DPP6: variants seen among roughly 807,000 people sequenced by gnomAD.
The protein encoded by DPP6 is dipeptidyl peptidase like 6, also known as A-type potassium channel modulatory protein DPP6.
In DPP6, 69 loss-of-function variants were observed where a neutral mutation model predicts 122.6. The observed-to-expected ratio is 0.56, with a 90% CI of 0.46 to 0.69. DPP6 has a LOEUF of 0.69. Ranked by LOEUF, DPP6 falls within the 30% of genes least tolerant of loss-of-function variation. The pLI is 0.00. For missense variants in DPP6, 928 were observed against 1,116.9 expected (o/e 0.83, Z 2.41); for synonymous variants, 418 against 433.1 (o/e 0.97, Z 0.43).
intron 10 of DPP6, among the ~76,000 whole-genome samples, chr7:154,790,203 C>T (rs1797586502): frequency 6.6e-6 from 1 of 152,146 alleles, no homozygotes; most frequent in Admixed American, 6.5e-5. Context: ...GTCTAAAAAA[C>T]ATAAAAAATC....
chr7:154,090,242 G>A (rs977916769), intron 1 of DPP6, among the ~76,000 whole-genome samples: 2 of 152,088 alleles, frequency 1.3e-5, no homozygotes. Flanking sequence ...TGCTGGTGGG[G>A]AGGGGGTTTC....
At position 154,875,859 on chromosome 7, in the gene DPP6, C is replaced by T; in HGVS notation, c.1884-47C>T. On this transcript the variant is annotated intron_variant, in intron 19 of 25. Coordinates refer to ENST00000377770, the MANE Select transcript of DPP6 (RefSeq NM_130797.4). The surrounding 1 kb of genome is among the most constrained non-coding windows in gnomAD (Gnocchi z 4.5). ...GACGTGGCAGCTGCTAGACCAGCCG[C>T]CACCCACCACGCAGCAGGCCTGCTG... The T allele has an allele frequency of 1.3e-6, 2 of 1,569,574 alleles. No individual in the cohort carries two copies. Among genetic ancestry groups the T allele is most frequent in the Non-Finnish European group, 1.7e-6 (2 of 1,159,050 alleles).
At chr7:154,248,047 G>A (rs1802103527) in intron 1 of DPP6, among the ~76,000 whole-genome samples, 2 of 152,126 alleles carry the variant, frequency 1.3e-5, no homozygotes, top group Non-Finnish European at 2.9e-5. Flanking sequence ...TCTGATGAGG[G>A]CCCTCTACCA....
chr7:154,171,239 T>C (rs747139661), intron 1 of DPP6, among the ~76,000 whole-genome samples: 6 of 152,206 alleles, frequency 3.9e-5, no homozygotes, highest in Non-Finnish European at 7.3e-5. Flanking sequence ...TCCAGTGTGC[T>C]CCAAGGCCAC....
intron 7 of DPP6, among the ~76,000 whole-genome samples, chr7:154,684,731 T>G (rs3807229): frequency 0.46 from 70,105 of 152,046 alleles, 17,538 homozygotes; most frequent in Non-Finnish European, 0.55. Context: ...CACGTACATG[T>G]ATCTATTTAA....
intron 1 of DPP6, among the ~76,000 whole-genome samples, chr7:154,324,870 T>TA (rs1369228264): frequency 6.9e-5 from 10 of 144,138 alleles, no homozygotes; most frequent in African/African-American, 7.6e-5. Flanking sequence ...TTTTGTTATT[T>TA]TTTTTTTTTT....
chr7:154,051,984 C>T (rs1283697910), upstream of DPP6, among the ~76,000 whole-genome samples: 1 of 151,726 alleles, frequency 6.6e-6, no homozygotes, highest in Admixed American at 6.5e-5. Flanking sequence ...GCTGGGGGCG[C>T]GGGGAGCCCG....
chr7:153,791,420 C>CTTTATTTTTTTTTTT, the DPP6 span, among the ~76,000 whole-genome samples: 1 of 24,240 alleles, frequency 4.1e-5, no homozygotes, highest in South Asian at 1.2e-3. Flanking sequence ...TCCTTCCTTC[C>CTTTATTTTTTTTTTT]TTTCTTTTTT....
At chr7:153,798,993 G>A in the DPP6 span, among the ~76,000 whole-genome samples, 1 of 152,270 alleles carries the variant, frequency 6.6e-6, no homozygotes, top group African/African-American at 2.4e-5. Flanking sequence ...GCAGTAATGT[G>A]AGCAATGGGG....
At chr7:154,346,213 G>A (rs1423790671) in intron 1 of DPP6, among the ~76,000 whole-genome samples, 1 of 152,176 alleles carries the variant, frequency 6.6e-6, no homozygotes, top group East Asian at 1.9e-4. Context: ...ATAAAGGAAA[G>A]ACCATTTGGG....
intron 7 of DPP6, among the ~76,000 whole-genome samples, chr7:154,713,384 G>A (rs34165040): frequency 0.025 from 3,873 of 152,314 alleles, 62 homozygotes; most frequent in Non-Finnish European, 0.04. Context: ...CTCTGTGTGG[G>A]GGCTCTGACC....
At chr7:154,450,556 C>CA (rs11411487) in intron 2 of DPP6, among the ~76,000 whole-genome samples, 45,447 of 151,964 alleles carry the variant, frequency 0.3, 7,895 homozygotes, top group African/African-American at 0.47. Flanking sequence ...AAAGAGGCTT[C>CA]AGGAGCAGTT....
At chr7:154,889,773 T>G in intron 25 of DPP6, 1 of 592,542 alleles carries the variant, frequency 1.7e-6, no homozygotes, top group East Asian at 3.4e-5. Flanking sequence ...CATCTCCCCG[T>G]ACTCCCACCC....
rs549552146 is a variant in DPP6 at position 154,259,389 on chromosome 7, T to C, written c.244-186825T>C. Among the ~76,000 whole-genome samples the C allele has an allele frequency of 1.2e-4, 18 of 152,326 alleles. No individual in the cohort carries two copies. The South Asian group carries it at 3.7e-3, about 32-fold the overall frequency. On this transcript the variant is annotated intron_variant, in intron 1 of 25. Coordinates refer to ENST00000377770, the MANE Select transcript of DPP6 (RefSeq NM_130797.4). ...TATGGACAAATAGGAAATACTGGAT[T>C]CGTAAGTGCCAAACTAATATGCAGG...
the DPP6 span, among the ~76,000 whole-genome samples, chr7:153,845,010 A>G: frequency 2.6e-5 from 4 of 152,198 alleles, no homozygotes; most frequent in African/African-American, 9.7e-5. Flanking sequence ...TGAATTAAAA[A>G]GTAGGACATT....
At chr7:154,175,829 A>G (rs1416490434) in intron 1 of DPP6, among the ~76,000 whole-genome samples, 1 of 150,794 alleles carries the variant, frequency 6.6e-6, no homozygotes, top group Non-Finnish European at 1.5e-5. Flanking sequence ...CTGGGATTAC[A>G]GGTGTCCATC....
At chr7:154,695,764 C>T (rs1029481137) in intron 7 of DPP6, among the ~76,000 whole-genome samples, 2 of 152,136 alleles carry the variant, frequency 1.3e-5, no homozygotes, top group African/African-American at 4.8e-5. Context: ...GAATGCTGGC[C>T]TGGTTCTAAG....
chr7:154,803,735 C>T (rs1798519982), intron 13 of DPP6, 129 bp from the exon 14 acceptor site: 2 of 1,380,416 alleles, frequency 1.4e-6, no homozygotes, highest in Non-Finnish European at 9.7e-7. Context: ...GCAGAAGGGG[C>T]AGAGAGCCCT....
At chr7:154,807,227 C>A in intron 16 of DPP6, 115 bp downstream of exon 16, 2 of 1,430,866 alleles carry the variant, frequency 1.4e-6, no homozygotes, top group Non-Finnish European at 1.9e-6. Context: ...CAGCGTATTC[C>A]AGAACAGGTG....
Sources: gnomAD v4.1 joint callset for allele counts (sites outside exome capture counted in the v4.1 genomes callset) on GRCh38, gnomAD v4.1.1 for gene constraint, Gnocchi (gnomAD v3.1) non-coding constraint, MANE v1.5 for transcripts, NCBI Gene and HGNC (gene_info 2026-07-23, HGNC 2026-07-21) for gene names.